VMA22: variants seen among roughly 807,000 people sequenced by gnomAD.
VMA22 encodes vacuolar ATPase assembly protein VMA22.
At chr2:130,341,051 A>G in the VMA22 span, 1 of 1,592,980 alleles carries the variant, frequency 6.3e-7, no homozygotes, top group Non-Finnish European at 8.5e-7. Flanking sequence ...TGAGGAAAGA[A>G]AGGTTGGAGG....
the VMA22 span, chr2:130,342,426 C>A: frequency 1.8e-6 from 1 of 563,762 alleles, no homozygotes; most frequent in South Asian, 2.4e-5. Flanking sequence ...TCTTAGAAGT[C>A]GCGCCACTGT....
At chr2:130,341,777 T>G in the VMA22 span, 1 of 1,606,164 alleles carries the variant, frequency 6.2e-7, no homozygotes, top group Non-Finnish European at 8.5e-7. Flanking sequence ...AGGATGGAGC[T>G]TTGGCAGCCC....
chr2:130,338,456 A>G, the VMA22 span: 1 of 152,254 alleles, frequency 6.6e-6, no homozygotes, highest in Non-Finnish European at 1.5e-5. Context: ...TCAACAACCC[A>G]GTAGAAAAAT....
chr2:130,339,973 T>C, the VMA22 span: 2 of 537,402 alleles, frequency 3.7e-6, no homozygotes, highest in South Asian at 4.4e-5. Context: ...AAACTCCAGA[T>C]ACATGTGCCC....
chr2:130,340,014 TCGGTG>T, the VMA22 span: 4,038 of 342,208 alleles, frequency 0.012, 161 homozygotes, highest in African/African-American at 0.08. Flanking sequence ...CAGCAGGGCG[TCGGTG>T]GATACCACAC....
At chr2:130,339,271 T>C in the VMA22 span, 1 of 1,564,072 alleles carries the variant, frequency 6.4e-7, no homozygotes, top group South Asian at 1.1e-5. Context: ...GTATCTGTAG[T>C]GTAACACACG....
chr2:130,342,678 A>G, the VMA22 span: 5,623 of 529,730 alleles, frequency 0.011, 226 homozygotes, highest in African/African-American at 0.092. Flanking sequence ...CATATTTATT[A>G]GCTGCGGTCC....
the VMA22 span, chr2:130,341,218 C>T: frequency 1.5e-6 from 1 of 684,656 alleles, no homozygotes; most frequent in East Asian, 2.8e-5. Flanking sequence ...CCTTGTGATT[C>T]AGATGAGACT....
At chr2:130,340,946 G>A in the VMA22 span, 1 of 1,614,090 alleles carries the variant, frequency 6.2e-7, no homozygotes. Context: ...TAGACTGTGA[G>A]GAACTAGGAT....
chr2:130,341,604 C>T, the VMA22 span: 1 of 1,343,856 alleles, frequency 7.4e-7, no homozygotes, highest in Non-Finnish European at 1.0e-6. Context: ...TAAATCATCT[C>T]CATAATTTGC....
the VMA22 span, chr2:130,341,801 G>GGGCCGCCC: frequency 7.3e-7 from 1 of 1,378,136 alleles, no homozygotes; most frequent in Non-Finnish European, 9.9e-7. Context: ...CCTAGAACGC[G>GGGCCGCCC]CCCGCCCGCC....
the VMA22 span, chr2:130,341,440 G>C: frequency 1.7e-6 from 1 of 573,106 alleles, no homozygotes; most frequent in Non-Finnish European, 3.1e-6. Flanking sequence ...CTGTTCAGCT[G>C]ACTGAAATGT....
chr2:130,341,805 GC>G, the VMA22 span: 1 of 272,766 alleles, frequency 3.7e-6, no homozygotes, highest in Non-Finnish European at 6.8e-6. Context: ...GAACGCGCCC[GC>G]CCGCCCACCC....
the VMA22 span, chr2:130,342,116 G>A: frequency 1.3e-5 from 21 of 1,613,492 alleles, no homozygotes; most frequent in Admixed American, 3.3e-5. Context: ...CGCAGGTCAA[G>A]CGCCGCCATG....
the VMA22 span, chr2:130,342,314 A>G: frequency 9.3e-7 from 1 of 1,076,538 alleles, no homozygotes; most frequent in African/African-American, 1.6e-5. Context: ...GCACGGAAGC[A>G]ACCAATCAAC....
chr2:130,340,159 A>G, the VMA22 span: 1 of 163,174 alleles, frequency 6.1e-6, no homozygotes, highest in Non-Finnish European at 1.3e-5. Context: ...CCTTACTCCC[A>G]TATCTTATCT....
the VMA22 span, chr2:130,341,758 C>T: frequency 5.0e-5 from 81 of 1,610,578 alleles, no homozygotes; most frequent in East Asian, 8.7e-4. Context: ...CGCTGAAGGA[C>T]GAGAAGGGAG....
chr2:130,340,681 G>A, the VMA22 span: 13 of 568,448 alleles, frequency 2.3e-5, no homozygotes, highest in Non-Finnish European at 3.8e-5. Context: ...AAAAGTGTTT[G>A]TCTCTTTTGT....
the VMA22 span, chr2:130,342,356 G>A: frequency 2.7e-6 from 2 of 741,658 alleles, no homozygotes; most frequent in East Asian, 5.4e-5. Context: ...AAGTGGATCA[G>A]CCTGCTGAAC....
Sources: allele counts gnomAD v4.1 joint callset, GRCh38; gene constraint gnomAD v4.1.1; transcripts MANE v1.5; gene names NCBI Gene and HGNC (gene_info 2026-07-23, HGNC 2026-07-21).